Variants in EYA4 observed in about 807,000 individuals in gnomAD.
EYA4 encodes the protein EYA transcriptional coactivator and phosphatase 4, also known as protein phosphatase EYA4.
A neutral mutation model predicts 87.9 loss-of-function variants in EYA4; 31 were observed. The observed-to-expected ratio is 0.35, with a 90% CI of 0.27 to 0.48. The LOEUF is 0.48. Ranked by LOEUF, EYA4 falls within the 20% of genes least tolerant of loss-of-function variation. EYA4 has a pLI of 0.99. For missense variants in EYA4, 678 were observed against 761.4 expected, an observed-to-expected ratio of 0.89 and a Z score of 1.29; for synonymous variants, 263 against 270.6, an observed-to-expected ratio of 0.97 and a Z score of 0.28.
chr6:133,408,804 A>G (rs1788958948), intron 3 of EYA4, among the ~76,000 whole-genome samples: 1 of 152,190 alleles, frequency 6.6e-6, no homozygotes, highest in Non-Finnish European at 1.5e-5. Flanking sequence ...CCAGACAAGA[A>G]TATGTTCTCA....
intron 1 of EYA4, among the ~76,000 whole-genome samples, chr6:133,258,738 T>G (rs1775553862): frequency 6.6e-6 from 1 of 152,098 alleles, no homozygotes; most frequent in South Asian, 2.1e-4. Context: ...CGGGGGCTTT[T>G]TAGGTCCAAG....
chr6:133,363,632 G>T (rs1488943404), intron 2 of EYA4, among the ~76,000 whole-genome samples: 1 of 116,834 alleles, frequency 8.6e-6, no homozygotes, highest in East Asian at 2.6e-4. Flanking sequence ...ACGCTGCCAC[G>T]CCTGGCTATT....
rs370621746 is a variant in EYA4 at position 133,322,568 on chromosome 6, C to T, written c.33+47755C>T. 5.5e-4 allele frequency among the ~76,000 whole-genome samples: 83 copies of T among 152,146 alleles called. 1 individual carries two copies. The highest frequency in any genetic ancestry group is 6.8e-3 in the Middle Eastern group (2 of 294). Reference sequence around the variant, plus strand: ...AAGTTTTTCAGCAATATGTACCATTCCCTCTTTAAAATATTTATAGTATTA... The same window carrying T: ...AAGTTTTTCAGCAATATGTACCATTTCCTCTTTAAAATATTTATAGTATTA... On this transcript the variant is annotated intron_variant, in intron 2 of 19. Transcript: ENST00000355286.
intron 2 of EYA4, among the ~76,000 whole-genome samples, chr6:133,280,421 G>C (rs1439562971): frequency 6.7e-6 from 1 of 149,280 alleles, no homozygotes; most frequent in Non-Finnish European, 1.5e-5. Context: ...CTTTTTTTTT[G>C]TTTGAGATGG....
At chr6:133,466,745 G>T (rs1275366775) in intron 10 of EYA4, among the ~76,000 whole-genome samples, 1 of 151,442 alleles carries the variant, frequency 6.6e-6, no homozygotes. Flanking sequence ...ATCCCCAATG[G>T]ATGGAAAACT....
intron 18 of EYA4, 59 bp from the exon 19 acceptor site, chr6:133,525,095 G>T: frequency 6.2e-7 from 1 of 1,613,630 alleles, no homozygotes; most frequent in South Asian, 1.1e-5. Context: ...TGGCCGAGAT[G>T]AGGAGCATGC....
intron 3 of EYA4, among the ~76,000 whole-genome samples, chr6:133,411,906 A>G (rs1255787711): frequency 1.3e-5 from 2 of 152,234 alleles, no homozygotes; most frequent in Non-Finnish European, 2.9e-5. Flanking sequence ...ACATTTTGCC[A>G]GATAGCATTC....
chr6:133,376,396 T>C (rs1178966759), intron 2 of EYA4, among the ~76,000 whole-genome samples: 1 of 151,906 alleles, frequency 6.6e-6, no homozygotes, highest in Non-Finnish European at 1.5e-5. Context: ...GTGTATAGTA[T>C]GTCCTAAGAC....
At chr6:133,365,737 T>C (rs1784807888) in intron 2 of EYA4, among the ~76,000 whole-genome samples, 7 of 152,078 alleles carry the variant, frequency 4.6e-5, no homozygotes. Context: ...GGTTGTCTGG[T>C]ACCTGGCCCT....
At chr6:133,294,012 C>T (rs1351007905) in intron 2 of EYA4, among the ~76,000 whole-genome samples, 8 of 80,206 alleles carry the variant, frequency 1.0e-4, no homozygotes, top group Non-Finnish European at 1.7e-4. Flanking sequence ...CCTGTGCTCC[C>T]TAGGGTGATT....
At chr6:133,449,901 CT>C (rs1793252588) in intron 5 of EYA4, among the ~76,000 whole-genome samples, 1 of 151,998 alleles carries the variant, frequency 6.6e-6, no homozygotes, top group African/African-American at 2.4e-5. Flanking sequence ...AGAAAGCAAA[CT>C]TTTGGTAACA....
chr6:133,252,476 T>C (rs2128232097), intron 1 of EYA4, among the ~76,000 whole-genome samples: 1 of 152,302 alleles, frequency 6.6e-6, no homozygotes, highest in East Asian at 1.9e-4. Context: ...TCTCATTCTA[T>C]GGGTTTGATG....
At chr6:133,349,083 T>C (rs575134135) in intron 2 of EYA4, among the ~76,000 whole-genome samples, 22 of 152,320 alleles carry the variant, frequency 1.4e-4, no homozygotes, top group Non-Finnish European at 1.3e-4. Flanking sequence ...CGTATGCACC[T>C]GCCTCAGGGC....
chr6:133,489,026 T>C (rs745622300), intron 13 of EYA4, among the ~76,000 whole-genome samples: 11 of 152,112 alleles, frequency 7.2e-5, no homozygotes, highest in Non-Finnish European at 1.6e-4. Context: ...AGAGAAGGAA[T>C]TCAGAATCCT....
intron 2 of EYA4, among the ~76,000 whole-genome samples, chr6:133,281,982 G>A (rs377511634): frequency 1.3e-5 from 2 of 152,224 alleles, no homozygotes; most frequent in East Asian, 1.9e-4. Context: ...GTATCCCATG[G>A]TGTATATAAA....
At chr6:133,286,778 T>G (rs376083213) in intron 2 of EYA4, among the ~76,000 whole-genome samples, 53 of 152,334 alleles carry the variant, frequency 3.5e-4, no homozygotes, top group African/African-American at 1.3e-3. Context: ...TAGTTTTCAT[T>G]TTTTCATTGC....
At chr6:133,440,748 CTG>C (rs1184638904) in intron 3 of EYA4, among the ~76,000 whole-genome samples, 1 of 152,122 alleles carries the variant, frequency 6.6e-6, no homozygotes, top group African/African-American at 2.4e-5. Context: ...ATACAAGAAA[CTG>C]TATACTAGGT....
chr6:133,309,636 A>G (rs1354697497), intron 2 of EYA4, among the ~76,000 whole-genome samples: 1 of 152,212 alleles, frequency 6.6e-6, no homozygotes, highest in Non-Finnish European at 1.5e-5. Context: ...TAGGAGACTA[A>G]TAAAACCATG....
intron 13 of EYA4, among the ~76,000 whole-genome samples, chr6:133,485,737 G>A (rs529348200): frequency 1.3e-5 from 2 of 152,260 alleles, no homozygotes; most frequent in African/African-American, 4.8e-5. Context: ...TTCATCAAGA[G>A]GTAAAACTTA....
Sources: allele counts gnomAD v4.1 joint callset (sites outside exome capture counted in the v4.1 genomes callset), GRCh38; gene constraint gnomAD v4.1.1; transcripts MANE v1.5; gene names NCBI Gene and HGNC (gene_info 2026-07-23, HGNC 2026-07-21).